GRM8: variants seen among roughly 807,000 people sequenced by gnomAD.
GRM8 encodes the protein metabotropic glutamate receptor 8.
In GRM8, 47 loss-of-function variants were observed where a neutral mutation model predicts 87.2. The observed-to-expected ratio is 0.54, with a 90% CI of 0.43 to 0.69. GRM8 has a LOEUF of 0.69. GRM8 is among the 30% of genes least tolerant of loss of function. The probability of loss-of-function intolerance (pLI) is 0.00; values close to 1 mark genes in which losing one functional copy is unlikely to be tolerated. For synonymous variants in GRM8, 396 were observed against 404.5 expected, an observed-to-expected ratio of 0.98 and a Z score of 0.25; for missense variants, 1,019 against 1,139.2, an observed-to-expected ratio of 0.89 and a Z score of 1.52.
intron 6 of GRM8, among the ~76,000 whole-genome samples, chr7:126,831,041 G>A (rs1307355707): frequency 6.6e-6 from 1 of 152,210 alleles, no homozygotes; most frequent in Non-Finnish European, 1.5e-5. Flanking sequence ...CACGAATGCT[G>A]CTGTCTGATC....
At chr7:127,031,215 T>C (rs1482879115) in intron 3 of GRM8, among the ~76,000 whole-genome samples, 1 of 152,168 alleles carries the variant, frequency 6.6e-6, no homozygotes, top group African/African-American at 2.4e-5. Flanking sequence ...GAAATATAAA[T>C]GCTGAATCTT....
intron 7 of GRM8, among the ~76,000 whole-genome samples, chr7:126,724,779 G>A (rs1812785638): frequency 1.3e-5 from 2 of 151,980 alleles, no homozygotes; most frequent in African/African-American, 4.8e-5. Flanking sequence ...AAAAAATTGG[G>A]GGGCTTTGAC....
intron 9 of GRM8, among the ~76,000 whole-genome samples, chr7:126,452,568 A>C (rs1172682126): frequency 1.3e-5 from 2 of 151,682 alleles, no homozygotes; most frequent in Non-Finnish European, 2.9e-5. Context: ...AAAAAAAAAA[A>C]CAGATACTGA....
At chr7:126,700,375 A>G (rs1477601551) in intron 7 of GRM8, among the ~76,000 whole-genome samples, 2 of 152,160 alleles carry the variant, frequency 1.3e-5, no homozygotes, top group South Asian at 2.1e-4. Context: ...TCTATATTCT[A>G]GTTATTAATG....
intron 9 of GRM8, among the ~76,000 whole-genome samples, chr7:126,508,270 C>T (rs951725455): frequency 4.6e-5 from 7 of 151,260 alleles, no homozygotes; most frequent in Admixed American, 1.3e-4. Flanking sequence ...CACACACACA[C>T]GCAAACACAC....
intron 2 of GRM8, among the ~76,000 whole-genome samples, chr7:127,218,031 G>C (rs527300234): frequency 6.6e-6 from 1 of 152,162 alleles, no homozygotes; most frequent in Non-Finnish European, 1.5e-5. Context: ...CACTGAATTA[G>C]CATCTCTCAT....
At chr7:126,699,056 T>C (rs1191127000) in intron 7 of GRM8, among the ~76,000 whole-genome samples, 1 of 152,188 alleles carries the variant, frequency 6.6e-6, no homozygotes, top group Non-Finnish European at 1.5e-5. Flanking sequence ...GGAGGGTCAC[T>C]GTCCTCAAAG....
intron 8 of GRM8, among the ~76,000 whole-genome samples, chr7:126,545,142 G>A (rs553436877): frequency 2.0e-5 from 3 of 152,288 alleles, no homozygotes; most frequent in South Asian, 2.1e-4. Flanking sequence ...CTGAGTCCAC[G>A]GATGGTGGCA....
chr7:126,829,256 T>G (rs1795117536), intron 6 of GRM8, among the ~76,000 whole-genome samples: 1 of 146,090 alleles, frequency 6.8e-6, no homozygotes, highest in Non-Finnish European at 1.5e-5. Flanking sequence ...CTGGGTATCC[T>G]TGTTAACTTT....
chr7:127,025,612 C>G (rs1378145223), intron 3 of GRM8, among the ~76,000 whole-genome samples: 2 of 152,022 alleles, frequency 1.3e-5, no homozygotes, highest in Admixed American at 1.3e-4. Flanking sequence ...CAGGAACAAA[C>G]ATTTCTTGGA....
At chr7:126,990,947 T>C (rs1812600958) in intron 3 of GRM8, among the ~76,000 whole-genome samples, 1 of 152,212 alleles carries the variant, frequency 6.6e-6, no homozygotes, top group South Asian at 2.1e-4. Context: ...TCTTTATTTT[T>C]AAAATCATCA....
intron 6 of GRM8, among the ~76,000 whole-genome samples, chr7:126,872,579 C>T (rs1226819168): frequency 4.6e-5 from 7 of 152,122 alleles, no homozygotes; most frequent in Admixed American, 4.6e-4. Flanking sequence ...TGGAAAATAA[C>T]ACTCACCTTC....
intron 3 of GRM8, among the ~76,000 whole-genome samples, chr7:127,060,990 G>A (rs976589972): frequency 1.3e-5 from 2 of 152,124 alleles, no homozygotes; most frequent in African/African-American, 2.4e-5. Context: ...CCCTGAAAGT[G>A]GGGCTGAACA....
intron 2 of GRM8, among the ~76,000 whole-genome samples, chr7:127,196,420 G>T (rs182911842): frequency 1.1e-3 from 163 of 152,126 alleles, no homozygotes; most frequent in East Asian, 6.0e-3. Flanking sequence ...TGGAGGCTAA[G>T]GTGGGAGAAT....
At chr7:126,643,867 G>A (rs1202299985) in intron 7 of GRM8, among the ~76,000 whole-genome samples, 2 of 152,250 alleles carry the variant, frequency 1.3e-5, no homozygotes, top group South Asian at 4.1e-4. Context: ...CACAGGCTTT[G>A]GAAAGTCACT....
intron 8 of GRM8, among the ~76,000 whole-genome samples, chr7:126,550,460 G>C (rs1029571586): frequency 6.6e-6 from 1 of 152,012 alleles, no homozygotes; most frequent in Non-Finnish European, 1.5e-5. Context: ...TAGATTAAAA[G>C]TTTTTTTAAA....
chr7:126,852,676 C>T (rs1206290204), intron 6 of GRM8, among the ~76,000 whole-genome samples: 3 of 152,074 alleles, frequency 2.0e-5, no homozygotes, highest in African/African-American at 7.2e-5. Flanking sequence ...AGAGAATTTT[C>T]AAGTGTTGTA....
chr7:126,762,454 G>C (rs556785377), intron 7 of GRM8, among the ~76,000 whole-genome samples: 24 of 152,092 alleles, frequency 1.6e-4, no homozygotes, highest in African/African-American at 5.8e-4. Flanking sequence ...CCATTATATA[G>C]TGTTATGCCA....
At chr7:126,507,228 AT>A (rs1396103308) in intron 9 of GRM8, among the ~76,000 whole-genome samples, 1 of 152,110 alleles carries the variant, frequency 6.6e-6, no homozygotes, top group African/African-American at 2.4e-5. Context: ...ATGCTTTCTG[AT>A]AAAGAAATGA....
Sources: allele counts gnomAD v4.1 joint callset (sites outside exome capture counted in the v4.1 genomes callset), GRCh38; gene constraint gnomAD v4.1.1; transcripts MANE v1.5; gene names NCBI Gene and HGNC (gene_info 2026-07-23, HGNC 2026-07-21).